The following ZMYND8 variants were observed in gnomAD, a reference collection of about 807,000 sequenced individuals.
ZMYND8 encodes the protein MYND-type zinc finger-containing chromatin reader ZMYND8.
ZMYND8 carries 37 observed loss-of-function variants against 140.8 expected under a neutral mutation model. The ratio of observed to expected loss-of-function variants is 0.26; its 90% CI spans 0.20 to 0.35. ZMYND8 has a LOEUF of 0.35. ZMYND8 is among the 10% of genes least tolerant of loss of function. The pLI, the probability that ZMYND8 is intolerant of heterozygous loss-of-function variation, is 1.00. For synonymous variants in ZMYND8, 592 were observed against 597.1 expected (o/e 0.99, Z 0.12); for missense variants, 1,068 against 1,570.0 (o/e 0.68, Z 5.40).
chr20:47,243,209 G>A (rs910052992), intron 14 of ZMYND8, among the ~76,000 whole-genome samples: 1 of 152,158 alleles, frequency 6.6e-6, no homozygotes, highest in African/African-American at 2.4e-5. Flanking sequence ...TCACAACAGC[G>A]CAATCCAAAA....
At chr20:47,255,748 A>ACGG (rs1273807498) in intron 12 of ZMYND8, among the ~76,000 whole-genome samples, 1 of 95,202 alleles carries the variant, frequency 1.1e-5, no homozygotes, top group Non-Finnish European at 1.9e-5. Context: ...ATATATATAT[A>ACGG]TATATATATA....
chr20:47,243,639 A>G (rs2147253303), intron 14 of ZMYND8, among the ~76,000 whole-genome samples: 1 of 152,254 alleles, frequency 6.6e-6, no homozygotes, highest in East Asian at 1.9e-4. Flanking sequence ...TTGCTATTCT[A>G]CCTTCATTTT....
chr20:47,342,745 G>A (rs1434065697), intron 2 of ZMYND8, among the ~76,000 whole-genome samples: 1 of 151,620 alleles, frequency 6.6e-6, no homozygotes, highest in South Asian at 2.1e-4. Context: ...CTACTATGGA[G>A]GCTGGAGCAG....
chr20:47,244,004 A>G (rs1284467316), intron 14 of ZMYND8, among the ~76,000 whole-genome samples: 1 of 152,162 alleles, frequency 6.6e-6, no homozygotes, highest in African/African-American at 2.4e-5. Context: ...ATGTAACTGT[A>G]TCTCTCTCTT....
At chr20:47,234,240 G>A (rs2038923319) in intron 16 of ZMYND8, among the ~76,000 whole-genome samples, 1 of 152,178 alleles carries the variant, frequency 6.6e-6, no homozygotes, top group African/African-American at 2.4e-5. Flanking sequence ...GTAGAGATGG[G>A]GTTTCACGAT....
chr20:47,297,078 C>A (rs1198415871), intron 4 of ZMYND8, among the ~76,000 whole-genome samples: 1 of 152,110 alleles, frequency 6.6e-6, no homozygotes, highest in Non-Finnish European at 1.5e-5. Context: ...GTGAAGGTTC[C>A]AGATCCCATG....
At chr20:47,324,779 A>C (rs1367439775) in intron 2 of ZMYND8, among the ~76,000 whole-genome samples, 1 of 152,072 alleles carries the variant, frequency 6.6e-6, no homozygotes, top group Non-Finnish European at 1.5e-5. Flanking sequence ...CTGCCACTTC[A>C]TCTTTTGGCT....
intron 14 of ZMYND8, among the ~76,000 whole-genome samples, chr20:47,239,961 G>C (rs2039738037): frequency 6.6e-6 from 1 of 152,234 alleles, no homozygotes; most frequent in Admixed American, 6.5e-5. Flanking sequence ...ATGAGGCCAA[G>C]CACGGTGGCT....
Position 47,298,312 on chromosome 20 carries a change from G to A in ZMYND8, c.453+417C>T, listed in dbSNP as rs572405945. On this transcript the variant is annotated intron_variant, in intron 4 of 22. Coordinates refer to ENST00000471951, the MANE Select transcript of ZMYND8 (RefSeq NM_001281775.3). The surrounding 1 kb of genome is among the most constrained non-coding windows in gnomAD (Gnocchi z 5.0). The stretch of plus-strand genomic sequence containing the variant: ...CACTACAGGGAACATGCAACCAAAC[G>A]TGGTCTTCTCAGCTTGGCTACTGCT... 7.9e-4 allele frequency: 780 copies of A among 985,396 alleles called. 1 individual carries two copies. Among genetic ancestry groups the A allele is most frequent in the Non-Finnish European group, 8.9e-4 (742 of 829,934 alleles). The allele number at this position is 985,396 out of a possible 1,614,324, so 61.0% of individuals were successfully genotyped here.
At chr20:47,265,452 T>TTGTTTGTC (rs2075449960) in intron 11 of ZMYND8, among the ~76,000 whole-genome samples, 1 of 152,082 alleles carries the variant, frequency 6.6e-6, no homozygotes, top group Non-Finnish European at 1.5e-5. Context: ...GTTTGTTTGT[T>TTGTTTGTC]TGTTTTGAGA....
At chr20:47,270,269 A>G (rs2075828335) in intron 11 of ZMYND8, among the ~76,000 whole-genome samples, 1 of 149,894 alleles carries the variant, frequency 6.7e-6, no homozygotes, top group Non-Finnish European at 1.5e-5. Flanking sequence ...GCTACTCGGG[A>G]GGCTGAGGCA....
At chr20:47,354,888 A>AGGC (rs2083092284) in intron 1 of ZMYND8, among the ~76,000 whole-genome samples, 1 of 152,226 alleles carries the variant, frequency 6.6e-6, no homozygotes, top group African/African-American at 2.4e-5. Context: ...ATGTGGGGCC[A>AGGC]GCATGCATAC....
chr20:47,332,327 T>G (rs1031621152), intron 2 of ZMYND8, among the ~76,000 whole-genome samples: 3 of 151,118 alleles, frequency 2.0e-5, no homozygotes, highest in Admixed American at 6.6e-5. Context: ...AAAATAAGTT[T>G]GGCTTTGAAG....
chr20:47,327,408 C>A (rs1257344179), intron 2 of ZMYND8, among the ~76,000 whole-genome samples: 1 of 151,778 alleles, frequency 6.6e-6, no homozygotes, highest in Non-Finnish European at 1.5e-5. Flanking sequence ...AATCCCAGCA[C>A]TTTGGGAGGC....
chr20:47,333,755 A>AAAAAAAAAAAC (rs2081167736), intron 2 of ZMYND8, among the ~76,000 whole-genome samples: 1 of 140,426 alleles, frequency 7.1e-6, no homozygotes, highest in African/African-American at 2.8e-5. Context: ...AAAAAAAAAA[A>AAAAAAAAAAAC]ACATTAGCTG....
At chr20:47,221,680 A>T (rs1292711306) in intron 19 of ZMYND8, among the ~76,000 whole-genome samples, 1 of 152,206 alleles carries the variant, frequency 6.6e-6, no homozygotes, top group Admixed American at 6.5e-5. Context: ...TAACATAAAC[A>T]TGCTGAGATG....
At chr20:47,319,293 A>C in intron 2 of ZMYND8, 1 of 315,648 alleles carries the variant, frequency 3.2e-6, no homozygotes, top group South Asian at 2.7e-5. Flanking sequence ...CAGTGCACCG[A>C]AGAGCCATTG....
At chr20:47,233,662 C>G (rs1276077586) in intron 16 of ZMYND8, among the ~76,000 whole-genome samples, 2 of 152,196 alleles carry the variant, frequency 1.3e-5, no homozygotes, top group African/African-American at 4.8e-5. Flanking sequence ...CATTCAAAGT[C>G]CAGCTTTGCC....
chr20:47,262,517 A>C (rs983712355), intron 11 of ZMYND8, 89 bp from the exon 12 acceptor site: 3 of 1,542,782 alleles, frequency 1.9e-6, no homozygotes, highest in Non-Finnish European at 2.6e-6. Context: ...TGGAGAGATT[A>C]TGAAATTGTG....
Sources: gnomAD v4.1 joint callset for allele counts (sites outside exome capture counted in the v4.1 genomes callset) on GRCh38, gnomAD v4.1.1 for gene constraint, Gnocchi (gnomAD v3.1) non-coding constraint, MANE v1.5 for transcripts, NCBI Gene and HGNC (gene_info 2026-07-23, HGNC 2026-07-21) for gene names.